LYRM7: variants seen among roughly 807,000 people sequenced by gnomAD.
LYRM7 encodes complex III assembly factor LYRM7.
A neutral mutation model predicts 15.8 loss-of-function variants in LYRM7; 9 were observed. The observed-to-expected ratio is 0.57, with a 90% CI of 0.34 to 0.99. The LOEUF (loss-of-function observed/expected upper bound fraction) is 0.99, where lower values mean the gene tolerates loss of function less well. Ranked by LOEUF, LYRM7 falls within the 50% of genes least tolerant of loss-of-function variation. LYRM7 has a pLI of 0.02. For missense variants in LYRM7, 115 were observed against 119.1 expected (o/e 0.97, Z 0.16); for synonymous variants, 39 against 39.4 (o/e 0.99, Z 0.04).
At chr5:131,187,658 G>T (rs1181796645) in intron 4 of LYRM7, among the ~76,000 whole-genome samples, 3 of 151,626 alleles carry the variant, frequency 2.0e-5, no homozygotes, top group African/African-American at 7.3e-5. Flanking sequence ...GCTAATTTTT[G>T]TATTTTTAAT....
intron 3 of LYRM7, among the ~76,000 whole-genome samples, chr5:131,184,837 G>C (rs898326391): frequency 6.6e-6 from 1 of 152,084 alleles, no homozygotes; most frequent in Non-Finnish European, 1.5e-5. Flanking sequence ...GGTGTCAGGA[G>C]ATGAGGCTTT....
chr5:131,196,381 A>AT (rs1370360594), intron 4 of LYRM7, among the ~76,000 whole-genome samples: 1 of 152,104 alleles, frequency 6.6e-6, no homozygotes, highest in Non-Finnish European at 1.5e-5. Flanking sequence ...GCAAAAAAAA[A>AT]GTTATTTTCC....
chr5:131,179,109 A>G (rs1477780579), intron 1 of LYRM7, among the ~76,000 whole-genome samples: 1 of 152,160 alleles, frequency 6.6e-6, no homozygotes, highest in African/African-American at 2.4e-5. Context: ...TAAAACTTCA[A>G]TAGGTTAAGA....
intron 2 of LYRM7, 87 bp from the exon 3 acceptor site, chr5:131,182,142 C>T: frequency 1.8e-6 from 2 of 1,133,790 alleles, no homozygotes; most frequent in Non-Finnish European, 2.4e-6. Flanking sequence ...AGAGAAGTAG[C>T]CATTCATAGT....
chr5:131,175,391 G>C (rs1262724643), intron 1 of LYRM7, among the ~76,000 whole-genome samples: 3 of 151,698 alleles, frequency 2.0e-5, no homozygotes, highest in African/African-American at 7.3e-5. Flanking sequence ...TAGAGATGGG[G>C]TTTCTCCATG....
At position 131,180,090 on chromosome 5, in the gene LYRM7, A is replaced by G. The variant is rs1755666548; in HGVS notation, c.19-5A>G. 6.2e-6 allele frequency: 10 copies of G among 1,605,536 alleles called. No individual in the cohort carries two copies. Among genetic ancestry groups the G allele is most frequent in the Non-Finnish European group, 8.5e-6 (10 of 1,173,340 alleles). ...CCCAACCTTGAATTCTGATTTTCTT[A>G]ACAGGTTTTACAGCTCTTTAAAACA... On this transcript the variant is annotated splice_polypyrimidine_tract_variant and splice_region_variant and intron_variant, in intron 1 of 4. Transcript: ENST00000379380.
intron 1 of LYRM7, among the ~76,000 whole-genome samples, chr5:131,176,880 G>A (rs1431342120): frequency 1.3e-5 from 2 of 152,204 alleles, no homozygotes; most frequent in South Asian, 2.1e-4. Context: ...TGCTGCAAAG[G>A]ACATGATTTC....
intron 4 of LYRM7, among the ~76,000 whole-genome samples, chr5:131,191,111 A>G (rs1372426124): frequency 6.6e-6 from 1 of 151,498 alleles, no homozygotes; most frequent in Non-Finnish European, 1.5e-5. Context: ...CTCTTTTATG[A>G]GTATTAATAC....
intron 4 of LYRM7, among the ~76,000 whole-genome samples, chr5:131,193,616 A>ACACTATTATAAACTATGCTATC (rs1216987628): frequency 6.6e-6 from 1 of 152,210 alleles, no homozygotes; most frequent in African/African-American, 2.4e-5. Flanking sequence ...TGTGATTGTC[A>ACACTATTATAAACTATGCTATC]CACTATTATA....
intron 1 of LYRM7, among the ~76,000 whole-genome samples, chr5:131,173,210 T>G (rs1166980413): frequency 6.6e-6 from 1 of 152,232 alleles, no homozygotes; most frequent in Non-Finnish European, 1.5e-5. Flanking sequence ...ATCCAGGCTT[T>G]TACTATCAAG....
At chr5:131,174,179 A>T (rs1397068379) in intron 1 of LYRM7, among the ~76,000 whole-genome samples, 6 of 152,354 alleles carry the variant, frequency 3.9e-5, no homozygotes, top group South Asian at 2.1e-4. Context: ...AAGTGATGTG[A>T]GTGATGATCT....
chr5:131,179,954 T>G, intron 1 of LYRM7, 141 bp from the exon 2 acceptor site: 2 of 556,074 alleles, frequency 3.6e-6, no homozygotes, highest in Non-Finnish European at 6.3e-6. Flanking sequence ...ATTTTTTTTT[T>G]GTAGAGATGG....
intron 2 of LYRM7, among the ~76,000 whole-genome samples, chr5:131,180,779 G>A (rs1424039198): frequency 6.6e-6 from 1 of 152,086 alleles, no homozygotes; most frequent in Non-Finnish European, 1.5e-5. Flanking sequence ...TAAGATATAT[G>A]TATTGTATTA....
Position 131,200,632 on chromosome 5 carries a change from A to G in LYRM7, c.*1031A>G, listed in dbSNP as rs1222295265. ...GGTTTTTAATTTTTGCAAGATTCTC[A>G]ATGCAAGCATTGTTATGTATCTAGA... On this transcript the variant is annotated 3_prime_UTR_variant, in exon 5 of 5. Coordinates refer to ENST00000379380, the MANE Select transcript of LYRM7 (RefSeq NM_181705.4). 6.6e-6 allele frequency: 1 copy of G among 152,312 alleles called. No homozygotes were observed. The highest frequency in any genetic ancestry group is 1.5e-5 in the Non-Finnish European group (1 of 68,034). 9.4% of individuals were successfully genotyped at this position (152,312 alleles called of 1,614,324 possible). A position where few individuals can be genotyped will look rare whatever the true frequency, so the allele number is the denominator to read the frequency against.
chr5:131,197,672 G>C (rs962930799), intron 4 of LYRM7, among the ~76,000 whole-genome samples: 1 of 149,736 alleles, frequency 6.7e-6, no homozygotes, highest in Non-Finnish European at 1.5e-5. Flanking sequence ...CTCTTGAGTA[G>C]CTAGGAATAC....
intron 4 of LYRM7, among the ~76,000 whole-genome samples, chr5:131,194,035 T>C (rs994624025): frequency 3.3e-5 from 5 of 152,154 alleles, no homozygotes; most frequent in South Asian, 2.1e-4. Flanking sequence ...TTGCTTTTTA[T>C]TGATATATCT....
rs116184855 is a variant in LYRM7, at chr5:131,190,175, G to C, written c.244+3066G>C. Among the ~76,000 whole-genome samples, 408 of 151,374 alleles carry C rather than the reference G, an allele frequency of 2.7e-3. 1 individual carries two copies. The highest frequency in any genetic ancestry group is 9.1e-3 in the African/African-American group (378 of 41,328). ...GAAAAGAAAAAAAAAGAAATTATTAGATCTGAGTTATGGTTTTTTCGTTTT... is the reference window on the plus strand; with the variant it reads ...GAAAAGAAAAAAAAAGAAATTATTACATCTGAGTTATGGTTTTTTCGTTTT... On this transcript the variant is annotated intron_variant, in intron 4 of 4. Transcript: ENST00000379380.
At chr5:131,193,236 C>T (rs1049055854) in intron 4 of LYRM7, among the ~76,000 whole-genome samples, 2 of 152,176 alleles carry the variant, frequency 1.3e-5, no homozygotes, top group Admixed American at 1.3e-4. Flanking sequence ...GTTAATGTGA[C>T]TCAACAAACA....
chr5:131,193,870 A>G (rs1395795897), intron 4 of LYRM7, among the ~76,000 whole-genome samples: 2 of 152,088 alleles, frequency 1.3e-5, no homozygotes, highest in Non-Finnish European at 2.9e-5. Flanking sequence ...TTAGCCGGGC[A>G]TGGTGGCACA....
Sources: gnomAD v4.1 joint callset for allele counts (sites outside exome capture counted in the v4.1 genomes callset) on GRCh38, gnomAD v4.1.1 for gene constraint, MANE v1.5 for transcripts, NCBI Gene and HGNC (gene_info 2026-07-23, HGNC 2026-07-21) for gene names.